LSAMP: variants seen among roughly 807,000 people sequenced by gnomAD.
LSAMP encodes the protein limbic system-associated membrane protein.
Under a neutral mutation model 38.6 loss-of-function variants are expected in LSAMP, and 7 were observed. The ratio of observed to expected loss-of-function variants is 0.18; its 90% confidence interval spans 0.10 to 0.34. LSAMP has a LOEUF of 0.34. Ranked by LOEUF, LSAMP falls within the 10% of genes least tolerant of loss-of-function variation. The probability of loss-of-function intolerance (pLI) is 1.00; values close to 1 mark genes in which losing one functional copy is unlikely to be tolerated. For synonymous variants in LSAMP, 154 were observed against 166.8 expected (o/e 0.92, Z 0.59); for missense variants, 313 against 420.0 (o/e 0.75, Z 2.23).
intron 1 of LSAMP, among the ~76,000 whole-genome samples, chr3:116,175,400 C>T (rs570903612): frequency 6.6e-6 from 1 of 151,976 alleles, no homozygotes; most frequent in Non-Finnish European, 1.5e-5. Context: ...AGTCAATATC[C>T]TCCTTCCAGC....
intron 1 of LSAMP, among the ~76,000 whole-genome samples, chr3:116,282,685 C>T (rs1025459411): frequency 3.3e-5 from 5 of 152,132 alleles, no homozygotes; most frequent in Non-Finnish European, 7.4e-5. Flanking sequence ...TGTAACTAAG[C>T]TAAGGATGTT....
chr3:116,069,280 C>G (rs760554939), intron 2 of LSAMP, among the ~76,000 whole-genome samples: 1 of 152,184 alleles, frequency 6.6e-6, no homozygotes, highest in East Asian at 1.9e-4. Flanking sequence ...CCTTCTCACA[C>G]TCCATGTGTG....
At chr3:115,968,575 A>T (rs1287378386) in intron 3 of LSAMP, among the ~76,000 whole-genome samples, 1 of 152,152 alleles carries the variant, frequency 6.6e-6, no homozygotes, top group African/African-American at 2.4e-5. Context: ...AAGTTGCAAG[A>T]CAAAGTTCTC....
At chr3:116,208,705 G>A (rs911188398) in intron 1 of LSAMP, among the ~76,000 whole-genome samples, 7 of 150,784 alleles carry the variant, frequency 4.6e-5, no homozygotes, top group African/African-American at 1.7e-4. Flanking sequence ...CTCCCAGTTA[G>A]GCTGCTCGGG....
chr3:116,115,018 C>A (rs1268024874), intron 1 of LSAMP, among the ~76,000 whole-genome samples: 1 of 152,124 alleles, frequency 6.6e-6, no homozygotes, highest in African/African-American at 2.4e-5. Flanking sequence ...GCATGTTATT[C>A]ACCTTTTTAT....
rs192558337 is a variant in LSAMP at position 115,955,534 on chromosome 3, A to T, written c.514+63981T>A. Among the ~76,000 whole-genome samples, 3 of 152,316 alleles carry T rather than the reference A, an allele frequency of 2.0e-5. No individual in the cohort carries two copies. In the East Asian group the frequency reaches 5.8e-4, roughly 29 times the overall value. On this transcript the variant is annotated intron_variant, in intron 3 of 6. Transcript: ENST00000490035. ...GGATATAACCATACACAAAATCAGC[A>T]TGGTACTTCTTCTTAGGGAACTTAT...
chr3:116,282,127 C>G (rs1300016308), intron 1 of LSAMP, among the ~76,000 whole-genome samples: 1 of 152,194 alleles, frequency 6.6e-6, no homozygotes, highest in East Asian at 1.9e-4. Flanking sequence ...GGAAAACAGA[C>G]TGCGCTCATG....
chr3:116,122,055 G>T (rs943083594), intron 1 of LSAMP, among the ~76,000 whole-genome samples: 2 of 151,960 alleles, frequency 1.3e-5, no homozygotes, highest in Admixed American at 1.3e-4. Flanking sequence ...TTCTTCAGAG[G>T]CTATGACTGC....
Position 116,370,455 on chromosome 3 carries a change from G to A in LSAMP, c.155+74422C>T, listed in dbSNP as rs75606789. Among the ~76,000 whole-genome samples, 472 of 152,250 alleles carry A rather than the reference G, an allele frequency of 3.1e-3. 3 individuals are homozygous for A. The highest frequency in any genetic ancestry group is 0.011 in the African/African-American group (442 of 41,544). On this transcript the variant is annotated intron_variant, in intron 1 of 6. Coordinates refer to ENST00000490035, the MANE Select transcript of LSAMP (RefSeq NM_002338.5). ...GTGTACTGAAGGCTTAGAAATTTCC[G>A]GGAAAGGCTTGAAGAGTAAATGGTG...
At chr3:116,405,220 G>T (rs2048884847) in intron 1 of LSAMP, among the ~76,000 whole-genome samples, 1 of 152,248 alleles carries the variant, frequency 6.6e-6, no homozygotes, top group East Asian at 1.9e-4. Flanking sequence ...GAACAACAGG[G>T]CTGTCTGGGT....
chr3:115,824,941 C>T (rs974342749), intron 6 of LSAMP, among the ~76,000 whole-genome samples: 3 of 151,954 alleles, frequency 2.0e-5, no homozygotes, highest in African/African-American at 7.3e-5. Flanking sequence ...CTGGTCTTAC[C>T]CCTCACTTTC....
intron 1 of LSAMP, among the ~76,000 whole-genome samples, chr3:116,424,666 A>C (rs1168530272): frequency 6.6e-6 from 1 of 152,180 alleles, no homozygotes; most frequent in Non-Finnish European, 1.5e-5. Context: ...ATTAAATACC[A>C]CATTACTTAC....
At chr3:116,327,078 G>A (rs1559829277) in intron 1 of LSAMP, among the ~76,000 whole-genome samples, 1 of 152,148 alleles carries the variant, frequency 6.6e-6, no homozygotes, top group African/African-American at 2.4e-5. Context: ...CAGTGCTTTT[G>A]CACATTAACA....
intron 3 of LSAMP, among the ~76,000 whole-genome samples, chr3:116,002,591 A>G (rs150610240): frequency 8.9e-4 from 136 of 152,264 alleles, no homozygotes; most frequent in African/African-American, 3.1e-3. Context: ...AGGGGAAGTC[A>G]TGATTAAGGT....
intron 1 of LSAMP, among the ~76,000 whole-genome samples, chr3:116,364,022 CAGG>C (rs2048323081): frequency 4.2e-5 from 1 of 23,774 alleles, no homozygotes; most frequent in Non-Finnish European, 7.4e-5. Context: ...GGCAATCAGG[CAGG>C]AGAAGGAAAT....
intron 3 of LSAMP, among the ~76,000 whole-genome samples, chr3:116,000,692 C>G (rs1181688050): frequency 2.6e-5 from 4 of 152,138 alleles, no homozygotes; most frequent in Non-Finnish European, 5.9e-5. Flanking sequence ...TCAAGTAACA[C>G]ATGTTATCAG....
At chr3:116,091,330 C>G (rs1708118611) in intron 1 of LSAMP, among the ~76,000 whole-genome samples, 1 of 152,156 alleles carries the variant, frequency 6.6e-6, no homozygotes, top group African/African-American at 2.4e-5. Context: ...ATTGCTCAAA[C>G]ACACATGCTG....
At chr3:116,144,961 C>T (rs1178106893) in intron 1 of LSAMP, among the ~76,000 whole-genome samples, 4 of 151,800 alleles carry the variant, frequency 2.6e-5, no homozygotes, top group Non-Finnish European at 5.9e-5. Flanking sequence ...TGAAGATAAT[C>T]CTCCACTGTC....
chr3:115,933,562 C>T (rs1183917864), intron 3 of LSAMP, among the ~76,000 whole-genome samples: 1 of 152,146 alleles, frequency 6.6e-6, no homozygotes, highest in Non-Finnish European at 1.5e-5. Context: ...TGAGCAGGCA[C>T]CAAATAACAT....
Sources: gnomAD v4.1 joint callset for allele counts (sites outside exome capture counted in the v4.1 genomes callset) on GRCh38, gnomAD v4.1.1 for gene constraint, MANE v1.5 for transcripts, NCBI Gene and HGNC (gene_info 2026-07-23, HGNC 2026-07-21) for gene names.